Variants in GEMIN5 observed in about 807,000 individuals in gnomAD.
The protein encoded by GEMIN5 is gem nuclear organelle associated protein 5.
In GEMIN5, 124 loss-of-function variants were observed where a neutral mutation model predicts 176.9. The ratio of observed to expected loss-of-function variants is 0.70; its 90% confidence interval spans 0.61 to 0.81. The LOEUF is 0.81. GEMIN5 is among the 40% of genes least tolerant of loss of function. The pLI is 0.00. For missense variants in GEMIN5, 1,843 were observed against 1,814.6 expected (o/e 1.02, Z -0.28); for synonymous variants, 673 against 665.2 (o/e 1.01, Z -0.18).
Position 154,897,914 on chromosome 5 carries a change from G to GTTTT in GEMIN5, c.3345+522_3345+525dup, listed in dbSNP as rs35458616. On this transcript the variant is annotated intron_variant, in intron 23 of 27. Transcript: ENST00000285873. ...GGCTGACTAAGGTGTTTTTTTTTGT[G>GTTTT]TTTTTTTTTTTTTTTTTGAGACAGA... Among the ~76,000 whole-genome samples the GTTTT allele has an allele frequency of 6.7e-4, 83 of 124,448 alleles. 5 individuals are homozygous for GTTTT. The highest frequency in any genetic ancestry group is 8.5e-4 in the Non-Finnish European group (53 of 62,216). 81.6% of individuals were successfully genotyped at this position (124,448 alleles called of 152,430 possible).
Position 154,889,291 on chromosome 5 carries a change from C to A in GEMIN5, c.4359+30G>T. 2.6e-6 allele frequency: 3 copies of A among 1,142,042 alleles called. No homozygotes were observed. In the South Asian group the frequency reaches 3.7e-5, roughly 14 times the overall value. 70.7% of individuals were successfully genotyped at this position (1,142,042 alleles called of 1,614,324 possible). The stretch of plus-strand genomic sequence containing the variant: ...TCAAGTGATAACACAAAAAGTGATG[C>A]TTTACCAAATGAACTGCTTTAACTC... On this transcript the variant is annotated intron_variant, in intron 27 of 27. Transcript: ENST00000285873.
At position 154,918,869 on chromosome 5, in the gene GEMIN5, C is replaced by A. The variant is rs899751808; in HGVS notation, c.1600-865G>T. ...TCACAGCCTGGCCAACATGGTGAAACCCTGTCTCTACTAAAGACACAAAAA... is the reference window on the plus strand; with the variant it reads ...TCACAGCCTGGCCAACATGGTGAAAACCTGTCTCTACTAAAGACACAAAAA... On this transcript the variant is annotated intron_variant, in intron 11 of 27. Coordinates refer to ENST00000285873, the MANE Select transcript of GEMIN5 (RefSeq NM_015465.5). 3.9e-5 allele frequency among the ~76,000 whole-genome samples: 6 copies of A among 152,046 alleles called. No individual in the cohort carries two copies. In the East Asian group the frequency reaches 9.7e-4, roughly 25 times the overall value.
chr5:154,905,365 G>A lies in GEMIN5; in HGVS notation c.2507C>T (p.Pro836Leu), dbSNP rs755077626. Residue 836 changes from proline (P) to leucine (L), a missense_variant and splice_region_variant, in exon 17 of 28, where the codon CCA (proline) becomes CTA (leucine). Transcript: ENST00000285873. ...TATTTTAATTACTAGATACCAACCT[G>A]GCTTCTCTTTTGGTGGCTCCTTTTT... ...LLKKEPPKEK[P>L]ETLIKKRKAR... The A allele has an allele frequency of 6.6e-7, 1 of 1,512,540 alleles. No homozygotes were observed. The highest frequency in any genetic ancestry group is 1.4e-5 in the African/African-American group (1 of 72,238). 93.7% of individuals were successfully genotyped at this position (1,512,540 alleles called of 1,614,324 possible).
chr5:154,901,381 A>G lies in GEMIN5; in HGVS notation c.2972T>C (p.Val991Ala). The G allele has an allele frequency of 6.2e-7, 1 of 1,614,160 alleles. No individual in the cohort carries two copies. The highest frequency in any genetic ancestry group is 8.5e-7 in the Non-Finnish European group (1 of 1,180,002). The change falls in exon 21 of 28, where the codon GTG becomes GCG. Residue 991 changes from valine (V) to alanine (A), a missense_variant. By Grantham distance (64) the Val-to-Ala change is moderately conservative. Coordinates refer to ENST00000285873, the MANE Select transcript of GEMIN5 (RefSeq NM_015465.5). The stretch of plus-strand genomic sequence containing the variant: ...CTTGAGCAGCTCCACCGCTTCATAC[A>G]CTTTGTGGATGGAAAGTAGGTGAGA... ...AASHLLSIHK[V>A]YEAVELLKSN...
At chr5:154,924,591 A>G in intron 8 of GEMIN5, 37 bp from the exon 9 acceptor site, 3 of 1,263,370 alleles carry the variant, frequency 2.4e-6, no homozygotes, top group Non-Finnish European at 3.5e-6. Context: ...GAATATAAGA[A>G]GTGGGGCATA....
chr5:154,909,449 T>C (rs1331374125), intron 15 of GEMIN5, among the ~76,000 whole-genome samples: 2 of 152,170 alleles, frequency 1.3e-5, no homozygotes. Flanking sequence ...GGTTTCTATA[T>C]TTACATTTTA....
intron 7 of GEMIN5, among the ~76,000 whole-genome samples, chr5:154,926,885 AAC>A (rs1764050141): frequency 6.6e-6 from 1 of 152,136 alleles, no homozygotes; most frequent in African/African-American, 2.4e-5. Flanking sequence ...CTCTACTAAA[AAC>A]ACACACAAAA....
chr5:154,891,399 TTG>T lies in GEMIN5; in HGVS notation c.4102_4103del (p.Gln1368LysfsTer8), dbSNP rs1676528642. On this transcript the variant is annotated frameshift_variant, in exon 26 of 28. Coordinates refer to ENST00000285873, the MANE Select transcript of GEMIN5 (RefSeq NM_015465.5). LOFTEE classifies it high-confidence loss of function. ...CTTCAGCAACAGTTCTCTGTGAGTT[TTG>T]GAGACTGGCATGCTTTTCTGAAAAG... The part of the protein sequence containing the change: ...ELFSEKHASL[Q>X]NSQRTVAEVQ... 1 of 1,614,064 alleles carries T rather than the reference TTG, an allele frequency of 6.2e-7. No individual in the cohort carries two copies. The highest frequency in any genetic ancestry group is 8.5e-7 in the Non-Finnish European group (1 of 1,180,040).
intron 5 of GEMIN5, 49 bp downstream of exon 5, chr5:154,931,409 T>G: frequency 6.4e-7 from 1 of 1,555,682 alleles, no homozygotes; most frequent in Non-Finnish European, 8.8e-7. Context: ...AACCCTCTAC[T>G]TCCACCAGAT....
chr5:154,933,243 C>T (rs966154323), intron 3 of GEMIN5, among the ~76,000 whole-genome samples: 2 of 152,116 alleles, frequency 1.3e-5, no homozygotes, highest in Non-Finnish European at 2.9e-5. Context: ...CATTCCTAGC[C>T]TTTCTTTGTA....
chr5:154,905,379 T>C lies in GEMIN5; in HGVS notation c.2493A>G (p.Pro831=). 2 of 1,590,396 alleles carry C rather than the reference T, an allele frequency of 1.3e-6. No individual in the cohort carries two copies. The highest frequency in any genetic ancestry group is 1.7e-6 in the Non-Finnish European group (2 of 1,162,946). ...NNKVILLKKE[P]PKEKPETLIK... is the part of the protein sequence containing the mutation. ...GATACCAACCTGGCTTCTCTTTTGG[T>C]GGCTCCTTTTTCAGTAAAATGACTT... Residue 831 remains proline, a synonymous_variant, in exon 17 of 28, where the codon CCA becomes CCG. Transcript: ENST00000285873.
intron 2 of GEMIN5, 97 bp downstream of exon 2, chr5:154,936,928 T>C (rs980639115): frequency 1.2e-6 from 1 of 862,564 alleles, no homozygotes; most frequent in Admixed American, 2.5e-5. Context: ...AATTACAAGT[T>C]ACTTTGCACA....
At position 154,902,663 on chromosome 5, in the gene GEMIN5, T is replaced by G. The variant is rs1189970259; in HGVS notation, c.2742A>C (p.Leu914Phe). ...RMIDIEGKGH[L>F]ENGHPELFHQ... ...GAAATAACTCAGGGTGGCCATTTTC[T>G]AAGTGACCTTTTCCTGTTTGAAAGA... Residue 914 changes from leucine (L) to phenylalanine (F), a missense_variant, in exon 20 of 28, where the codon TTA becomes TTC. Transcript: ENST00000285873. 6.2e-7 allele frequency: 1 copy of G among 1,614,042 alleles called. No homozygotes were observed. Among genetic ancestry groups the G allele is most frequent in the South Asian group, 1.1e-5 (1 of 91,072 alleles).
intron 13 of GEMIN5, among the ~76,000 whole-genome samples, chr5:154,915,517 A>G (rs1221276386): frequency 6.6e-6 from 1 of 152,262 alleles, no homozygotes; most frequent in Non-Finnish European, 1.5e-5. Flanking sequence ...CCCATATGAA[A>G]GTTAACTCAT....
rs778792493 is a variant in GEMIN5 at position 154,889,431 on chromosome 5, T to G, written c.4263-14A>C. 4.1e-6 allele frequency: 6 copies of G among 1,455,392 alleles called. No homozygotes were observed. The highest frequency in any genetic ancestry group is 5.8e-6 in the Non-Finnish European group (6 of 1,037,450). The allele number at this position is 1,455,392 out of a possible 1,614,324, so 90.2% of individuals were successfully genotyped here. A position where few individuals can be genotyped will look rare whatever the true frequency, so the allele number is the denominator to read the frequency against. ...TTTTCTTCTTTACTAGTGAAAAAAATAAAAGGTGTAAATTGTATGTCTTGC... is the reference window on the plus strand; with the variant it reads ...TTTTCTTCTTTACTAGTGAAAAAAAGAAAAGGTGTAAATTGTATGTCTTGC... On this transcript the variant is annotated splice_polypyrimidine_tract_variant and intron_variant, in intron 26 of 27. Coordinates refer to ENST00000285873, the MANE Select transcript of GEMIN5 (RefSeq NM_015465.5).
At chr5:154,931,201 T>G (rs1279306817) in intron 5 of GEMIN5, among the ~76,000 whole-genome samples, 1 of 152,258 alleles carries the variant, frequency 6.6e-6, no homozygotes, top group Non-Finnish European at 1.5e-5. Flanking sequence ...CTGCTCTCCA[T>G]GCCAAACACT....
chr5:154,927,271 T>C (rs1301439209), intron 7 of GEMIN5, 114 bp downstream of exon 7: 6 of 611,974 alleles, frequency 9.8e-6, no homozygotes, highest in African/African-American at 5.5e-5. Context: ...AACTCTGAAA[T>C]TGGAGTCAGG....
chr5:154,923,159 C>T (rs1405203936), intron 9 of GEMIN5, among the ~76,000 whole-genome samples: 1 of 151,910 alleles, frequency 6.6e-6, no homozygotes, highest in Non-Finnish European at 1.5e-5. Flanking sequence ...GGTGGATCAC[C>T]TGAGGTTAGG....
chr5:154,889,461 G>T (rs1386189374), intron 26 of GEMIN5, 44 bp from the exon 27 acceptor site: 2 of 1,096,938 alleles, frequency 1.8e-6, no homozygotes. Context: ...TCTTGCCCTG[G>T]GTAACATTTT....
Sources: gnomAD v4.1 joint callset for allele counts (sites outside exome capture counted in the v4.1 genomes callset) on GRCh38, gnomAD v4.1.1 for gene constraint, MANE v1.5 for transcripts, NCBI Gene and HGNC (gene_info 2026-07-23, HGNC 2026-07-21) for gene names.